The following HMGA2 variants were observed in gnomAD, a reference collection of about 807,000 sequenced individuals.
The protein encoded by HMGA2 is high mobility group protein HMGI-C.
HMGA2 carries 8 observed loss-of-function variants against 19.1 expected under a neutral mutation model. That is an observed-to-expected ratio of 0.42 (90% CI 0.25 to 0.76). The LOEUF (loss-of-function observed/expected upper bound fraction) is 0.76, where lower values mean the gene tolerates loss of function less well. HMGA2 is among the 30% of genes least tolerant of loss of function. HMGA2 has a pLI of 0.28. For missense variants in HMGA2, 109 were observed against 136.3 expected (o/e 0.80, Z 1.00); for synonymous variants, 60 against 48.8 (o/e 1.23, Z -0.96).
intron 3 of HMGA2, among the ~76,000 whole-genome samples, chr12:65,944,720 A>G (rs766702924): frequency 1.3e-5 from 2 of 152,198 alleles, no homozygotes; most frequent in Admixed American, 6.5e-5. Flanking sequence ...CTGATAATTG[A>G]TTGGTTCTGA....
At chr12:65,952,362 G>A in intron 4 of HMGA2, 1 of 1,534,520 alleles carries the variant, frequency 6.5e-7, no homozygotes, top group Non-Finnish European at 8.7e-7. Flanking sequence ...TTAGGTCAAT[G>A]TTGCCTTGCC....
chr12:65,858,239 T>C (rs1262557584), intron 3 of HMGA2: 1 of 152,592 alleles, frequency 6.6e-6, no homozygotes, highest in Non-Finnish European at 1.5e-5. Context: ...AATGAATGTG[T>C]ATACATACAA....
chr12:65,952,494 A>G (rs538537199), intron 4 of HMGA2: 4 of 1,522,018 alleles, frequency 2.6e-6, no homozygotes, highest in African/African-American at 1.4e-5. Context: ...ACAATTACAT[A>G]TGAGCTTTAA....
Position 65,963,432 on chromosome 12 carries a change from GGGGT to G in HMGA2, c.*144_*147del. ...GGGGTGGGGTGGGGTGGGGGAGGGG[GGGGT>G]GGGGTGGGGAGAAATCACATAACCT... On this transcript the variant is annotated 3_prime_UTR_variant, in exon 5 of 5. Coordinates refer to ENST00000403681, the MANE Select transcript of HMGA2 (RefSeq NM_003483.6). The G allele has an allele frequency of 2.3e-6, 1 of 429,104 alleles. No homozygotes were observed. The highest frequency in any genetic ancestry group is 4.2e-6 in the Non-Finnish European group (1 of 237,288). 26.6% of individuals were successfully genotyped at this position (429,104 alleles called of 1,614,324 possible). A position where few individuals can be genotyped will look rare whatever the true frequency, so the allele number is the denominator to read the frequency against.
At position 65,920,640 on chromosome 12, in the gene HMGA2, C is replaced by T. The variant is rs539729155; in HGVS notation, c.250-30743C>T. Among the ~76,000 whole-genome samples, 286 of 152,230 alleles carry T rather than the reference C, an allele frequency of 1.9e-3. 1 individual carries two copies. The highest frequency in any genetic ancestry group is 6.6e-3 in the African/African-American group (274 of 41,522). On this transcript the variant is annotated intron_variant, in intron 3 of 4. Transcript: ENST00000403681. ...GTCTCACAAGATCTGATGGGTTTAT[C>T]AGGGGTTTCCACTTTTGCTTCTTCC... is the stretch of plus-strand genomic sequence containing the variant.
chr12:65,834,555 CTTCT>C (rs1243447661), intron 2 of HMGA2, among the ~76,000 whole-genome samples: 8 of 143,850 alleles, frequency 5.6e-5, no homozygotes, highest in Non-Finnish European at 9.1e-5. Flanking sequence ...TCCTTCCTTC[CTTCT>C]TTCCTTCCCT....
At chr12:65,888,097 T>C (rs1309486389) in intron 3 of HMGA2, among the ~76,000 whole-genome samples, 5 of 152,104 alleles carry the variant, frequency 3.3e-5, no homozygotes, top group African/African-American at 4.8e-5. Flanking sequence ...CCCCTTTCCA[T>C]AGCGGTTTGG....
Position 65,870,191 on chromosome 12 carries a change from T to G in HMGA2, c.249+31622T>G, listed in dbSNP as rs960669707. 3.3e-5 allele frequency among the ~76,000 whole-genome samples: 5 copies of G among 152,242 alleles called. No homozygotes were observed. The East Asian group carries it at 9.6e-4, about 29-fold the overall frequency. On this transcript the variant is annotated intron_variant, in intron 3 of 4. Coordinates refer to ENST00000403681, the MANE Select transcript of HMGA2 (RefSeq NM_003483.6). ...TAGATATGCATGTGCATACAACTTC[T>G]GTTTATTTTTGAATTTCAACTATGT...
chr12:65,899,760 T>A (rs1874296011), intron 3 of HMGA2, among the ~76,000 whole-genome samples: 1 of 152,222 alleles, frequency 6.6e-6, no homozygotes, highest in African/African-American at 2.4e-5. Context: ...TAATTGAAGC[T>A]CTTTTATCTC....
At chr12:65,836,379 A>G (rs950404052) in intron 2 of HMGA2, among the ~76,000 whole-genome samples, 1 of 149,300 alleles carries the variant, frequency 6.7e-6, no homozygotes, top group Non-Finnish European at 1.5e-5. Flanking sequence ...AAAAAAAAAA[A>G]GAAAAACTCC....
intron 3 of HMGA2, among the ~76,000 whole-genome samples, chr12:65,840,258 T>G (rs956686706): frequency 9.2e-5 from 14 of 152,220 alleles, no homozygotes; most frequent in Non-Finnish European, 2.1e-4. Context: ...TATTTTATTA[T>G]GCATATGGAT....
intron 3 of HMGA2, among the ~76,000 whole-genome samples, chr12:65,894,869 T>C (rs1427562088): frequency 6.6e-6 from 1 of 152,150 alleles, no homozygotes; most frequent in Non-Finnish European, 1.5e-5. Context: ...AAGGGAAGTC[T>C]GGGAGAAGTG....
At chr12:65,927,631 T>C (rs1030445199) in intron 3 of HMGA2, among the ~76,000 whole-genome samples, 4 of 152,068 alleles carry the variant, frequency 2.6e-5, no homozygotes, top group African/African-American at 9.7e-5. Flanking sequence ...CCCAAGATCT[T>C]GTAGCTAATT....
intron 3 of HMGA2, among the ~76,000 whole-genome samples, chr12:65,919,886 C>A (rs1430045491): frequency 6.6e-6 from 1 of 152,198 alleles, no homozygotes; most frequent in Non-Finnish European, 1.5e-5. Flanking sequence ...ACAAAGAACA[C>A]CTTGGGCCTC....
intron 2 of HMGA2, among the ~76,000 whole-genome samples, chr12:65,831,889 CATTATT>C (rs1384850420): frequency 1.3e-5 from 2 of 151,860 alleles, no homozygotes; most frequent in Admixed American, 6.6e-5. Context: ...AAACCAAAGA[CATTATT>C]ATTGGTGAGT....
At chr12:65,889,559 G>C (rs937524644) in intron 3 of HMGA2, among the ~76,000 whole-genome samples, 6 of 152,162 alleles carry the variant, frequency 3.9e-5, no homozygotes, top group Admixed American at 3.3e-4. Context: ...AGGCCAACAA[G>C]GAATAGGATA....
intron 3 of HMGA2, among the ~76,000 whole-genome samples, chr12:65,877,299 C>T (rs1873096577): frequency 6.6e-6 from 1 of 152,054 alleles, no homozygotes; most frequent in Admixed American, 6.5e-5. Flanking sequence ...GGAAGCTTTG[C>T]CTTTAGGAGT....
intron 3 of HMGA2, chr12:65,881,267 G>T (rs1232703804): frequency 3.7e-5 from 6 of 164,016 alleles, no homozygotes; most frequent in Admixed American, 1.1e-4. Flanking sequence ...TGTCTCTGAG[G>T]GTCTCCAGAG....
intron 3 of HMGA2, among the ~76,000 whole-genome samples, chr12:65,839,465 T>G (rs1028106706): frequency 6.6e-6 from 1 of 151,786 alleles, no homozygotes; most frequent in African/African-American, 2.4e-5. Flanking sequence ...TGCTTCAAAT[T>G]TTAAAAAGAT....
Sources: allele counts gnomAD v4.1 joint callset (sites outside exome capture counted in the v4.1 genomes callset), GRCh38; gene constraint gnomAD v4.1.1; transcripts MANE v1.5; gene names NCBI Gene and HGNC (gene_info 2026-07-23, HGNC 2026-07-21).